ATL3: variants seen among roughly 807,000 people sequenced by gnomAD.
ATL3 encodes atlastin-3.
Under a neutral mutation model 69.5 loss-of-function variants are expected in ATL3, and 49 were observed. The ratio of observed to expected loss-of-function variants is 0.71; its 90% CI spans 0.56 to 0.89. The LOEUF is 0.89. Among genes scored for constraint, ATL3 ranks in the 40% least tolerant of loss-of-function variants. The pLI is 0.00. For synonymous variants in ATL3, 214 were observed against 224.1 expected (o/e 0.95, Z 0.40); for missense variants, 606 against 645.7 (o/e 0.94, Z 0.67).
chr11:63,671,914 AGGCCTGGGACCACAGGTG>A (rs1023441153), upstream of ATL3: 4 of 273,128 alleles, frequency 1.5e-5, no homozygotes, highest in Non-Finnish European at 2.6e-5. Context: ...GTGTTTAACT[AGGCCTGGGACCACAGGTG>A]GGCAGAAGAG....
intron 3 of ATL3, among the ~76,000 whole-genome samples, chr11:63,654,023 A>T (rs1940161729): frequency 6.6e-6 from 1 of 152,256 alleles, no homozygotes; most frequent in Admixed American, 6.5e-5. Context: ...TTCAAATATT[A>T]ATTGTAACAA....
chr11:63,630,171 G>C (rs1939257621), intron 12 of ATL3, among the ~76,000 whole-genome samples: 1 of 151,692 alleles, frequency 6.6e-6, no homozygotes, highest in Non-Finnish European at 1.5e-5. Context: ...CTAGCACTTT[G>C]GGAGGCCGAG....
chr11:63,641,145 A>C (rs1229240455), intron 8 of ATL3, among the ~76,000 whole-genome samples: 1 of 152,166 alleles, frequency 6.6e-6, no homozygotes, highest in African/African-American at 2.4e-5. Flanking sequence ...TCATGTAAGA[A>C]AGGAAGATTT....
intron 5 of ATL3, 80 bp from the exon 6 acceptor site, chr11:63,646,643 A>G: frequency 2.3e-6 from 2 of 868,840 alleles, no homozygotes; most frequent in South Asian, 1.6e-5. Context: ...AGTATTCATT[A>G]TATTTATACT....
chr11:63,643,577 AAG>A, intron 7 of ATL3, 82 bp from the exon 8 acceptor site: 1 of 1,318,188 alleles, frequency 7.6e-7, no homozygotes, highest in Admixed American at 2.2e-5. Flanking sequence ...GGACAAAGGA[AAG>A]AAGACTCCTC....
intron 5 of ATL3, among the ~76,000 whole-genome samples, chr11:63,649,318 G>A (rs767182073): frequency 2.3e-4 from 35 of 151,798 alleles, no homozygotes; most frequent in Non-Finnish European, 3.7e-4. Context: ...GCTAATTTTT[G>A]TATTTTTAGT....
At chr11:63,649,313 T>C (rs1939993692) in intron 5 of ATL3, among the ~76,000 whole-genome samples, 1 of 152,040 alleles carries the variant, frequency 6.6e-6, no homozygotes, top group Non-Finnish European at 1.5e-5. Context: ...ACCCAGCTAA[T>C]TTTTGTATTT....
rs547959171 is a variant in ATL3, at chr11:63,628,676, A to C, written c.*643T>G. 9.9e-5 allele frequency: 15 copies of C among 152,260 alleles called. No individual in the cohort carries two copies. The highest frequency in any genetic ancestry group is 3.6e-4 in the African/African-American group (15 of 41,524). 9.4% of individuals were successfully genotyped at this position (152,260 alleles called of 1,614,324 possible). On this transcript the variant is annotated 3_prime_UTR_variant, in exon 13 of 13. Coordinates refer to ENST00000398868, the MANE Select transcript of ATL3 (RefSeq NM_015459.5). The stretch of plus-strand genomic sequence containing the variant: ...TGGTGAAACCCCATCTCTACTAAAA[A>C]TACAAAAAAATTAGCTGGGTATGGT...
chr11:63,653,051 G>A (rs918930820), intron 3 of ATL3, among the ~76,000 whole-genome samples: 2 of 152,090 alleles, frequency 1.3e-5, no homozygotes, highest in African/African-American at 4.8e-5. Context: ...ATTAGGTCAG[G>A]CGCAATGGCT....
At chr11:63,633,770 T>TA (rs1939410969) in intron 10 of ATL3, among the ~76,000 whole-genome samples, 1 of 149,972 alleles carries the variant, frequency 6.7e-6, no homozygotes, top group South Asian at 2.1e-4. Context: ...CTCACGCCTG[T>TA]AATCCCAGCA....
intron 9 of ATL3, 108 bp from the exon 10 acceptor site, chr11:63,635,698 G>T: frequency 1.2e-6 from 1 of 842,272 alleles, no homozygotes; most frequent in Non-Finnish European, 1.9e-6. Flanking sequence ...AAAGACTTAG[G>T]TCAACAACCA....
chr11:63,646,690 G>A (rs1046391710), intron 5 of ATL3, 127 bp from the exon 6 acceptor site: 3 of 520,172 alleles, frequency 5.8e-6, no homozygotes, highest in Non-Finnish European at 3.4e-6. Flanking sequence ...GCCCACAGGA[G>A]TCATGAACCT....
At chr11:63,660,875 T>C (rs1374604255) in intron 1 of ATL3, among the ~76,000 whole-genome samples, 1 of 151,962 alleles carries the variant, frequency 6.6e-6, no homozygotes, top group Non-Finnish European at 1.5e-5. Context: ...TATTATTTAA[T>C]CCTCAGAACA....
At position 63,635,537 on chromosome 11, in the gene ATL3, A is replaced by C; in HGVS notation, c.1032T>G (p.Leu344=). ...GEDLPHPKSM[L]QATAEANNLA... ...AGGATGTCAAATCATTGTTTACCTGAAGCATGGACTTGGGGTGAGGCAGAT... is the reference window on the plus strand; with the variant it reads ...AGGATGTCAAATCATTGTTTACCTGCAGCATGGACTTGGGGTGAGGCAGAT... The change falls in exon 10 of 13, where the codon CTT becomes CTG. Residue 344 remains leucine, a synonymous_variant. Transcript: ENST00000398868. 1 of 1,612,128 alleles carries C rather than the reference A, an allele frequency of 6.2e-7. No homozygotes were observed. Among genetic ancestry groups the C allele is most frequent in the Non-Finnish European group, 8.5e-7 (1 of 1,178,374 alleles).
rs898993520 is a variant in ATL3 at position 63,628,788 on chromosome 11, A to G, written c.*531T>C. ...CAGGCAGAGGTTGCAGTGAGCCAAGATCACACCACTGCACTCAAGCCTGGT... is the reference window on the plus strand; with the variant it reads ...CAGGCAGAGGTTGCAGTGAGCCAAGGTCACACCACTGCACTCAAGCCTGGT... On this transcript the variant is annotated 3_prime_UTR_variant, in exon 13 of 13. Coordinates refer to ENST00000398868, the MANE Select transcript of ATL3 (RefSeq NM_015459.5). 2.0e-5 allele frequency: 3 copies of G among 151,434 alleles called. No homozygotes were observed. The South Asian group carries it at 6.2e-4, about 31-fold the overall frequency. 9.4% of individuals were successfully genotyped at this position (151,434 alleles called of 1,614,324 possible).
intron 3 of ATL3, among the ~76,000 whole-genome samples, chr11:63,656,731 C>CAA (rs34700325): frequency 2.9e-4 from 30 of 103,204 alleles, no homozygotes; most frequent in African/African-American, 9.9e-4. Flanking sequence ...GACTCCCTCT[C>CAA]AAAAAAAAAA....
In ATL3 at chr11:63,631,338, T is replaced by A; in HGVS notation, c.1241A>T (p.Gln414Leu). Residue 414 changes from glutamine to leucine, a missense_variant, in exon 12 of 13, where the codon CAG becomes CTG. Coordinates refer to ENST00000398868, the MANE Select transcript of ATL3 (RefSeq NM_015459.5). ...CTTGATTTCCTCCTCCAGCTCCTGCTGGTAACGAAAGCTGAAATCCTTCCC... is the reference window on the plus strand; with the variant it reads ...CTTGATTTCCTCCTCCAGCTCCTGCAGGTAACGAAAGCTGAAATCCTTCCC... Reference protein sequence around the residue: ...MGGKDFSFRYQQELEEEIKEL... With the variant: ...MGGKDFSFRYLQELEEEIKEL... 6.2e-7 allele frequency: 1 copy of A among 1,614,264 alleles called. No homozygotes were observed. The highest frequency in any genetic ancestry group is 1.1e-5 in the South Asian group (1 of 91,086).
intron 8 of ATL3, among the ~76,000 whole-genome samples, chr11:63,640,402 C>T (rs1309086907): frequency 6.6e-6 from 1 of 151,794 alleles, no homozygotes; most frequent in Non-Finnish European, 1.5e-5. Context: ...ATCCTCCTAC[C>T]TCAGCCTTCT....
At chr11:63,661,824 G>A (rs1455937972) in intron 1 of ATL3, among the ~76,000 whole-genome samples, 2 of 151,814 alleles carry the variant, frequency 1.3e-5, no homozygotes, top group East Asian at 3.9e-4. Flanking sequence ...AGTAGGTGGA[G>A]GTTGTGGTGA....
Sources: allele counts gnomAD v4.1 joint callset (sites outside exome capture counted in the v4.1 genomes callset), GRCh38; gene constraint gnomAD v4.1.1; transcripts MANE v1.5; gene names NCBI Gene and HGNC (gene_info 2026-07-23, HGNC 2026-07-21).